Variants in MARCHF1 observed in about 807,000 individuals in gnomAD.
MARCHF1 encodes E3 ubiquitin-protein ligase MARCHF1.
In MARCHF1, 40 loss-of-function variants were observed where a neutral mutation model predicts 54.2. The observed-to-expected ratio is 0.74, with a 90% CI of 0.57 to 0.96. The LOEUF (loss-of-function observed/expected upper bound fraction) is 0.96, where lower values mean the gene tolerates loss of function less well. MARCHF1 is among the 40% of genes least tolerant of loss of function. The pLI, the probability that MARCHF1 is intolerant of heterozygous loss-of-function variation, is 0.00. For synonymous variants in MARCHF1, 236 were observed against 236.3 expected (o/e 1.00, Z 0.01); for missense variants, 586 against 656.5 (o/e 0.89, Z 1.17).
intron 4 of MARCHF1, among the ~76,000 whole-genome samples, chr4:163,751,051 T>C (rs1746504719): frequency 6.6e-6 from 1 of 152,130 alleles, no homozygotes; most frequent in African/African-American, 2.4e-5. Flanking sequence ...AAAGAGCATA[T>C]TTATCTCATA....
chr4:164,243,719 C>T (rs974639532), intron 1 of MARCHF1, among the ~76,000 whole-genome samples: 53 of 152,230 alleles, frequency 3.5e-4, no homozygotes, highest in South Asian at 8.3e-4. Context: ...ACCCATCTCA[C>T]GGGCAGAGAC....
At chr4:163,969,788 T>C (rs1239017929) in intron 3 of MARCHF1, among the ~76,000 whole-genome samples, 1 of 152,204 alleles carries the variant, frequency 6.6e-6, no homozygotes, top group African/African-American at 2.4e-5. Context: ...AAATTTGAAA[T>C]GGTATAAGAA....
At chr4:164,226,492 GA>G (rs1259770045) in intron 1 of MARCHF1, among the ~76,000 whole-genome samples, 1 of 151,654 alleles carries the variant, frequency 6.6e-6, no homozygotes, top group Non-Finnish European at 1.5e-5. Flanking sequence ...CAAAATGCAG[GA>G]AAAATAAACA....
At chr4:164,249,950 C>A (rs538424026) in intron 1 of MARCHF1, among the ~76,000 whole-genome samples, 7 of 152,132 alleles carry the variant, frequency 4.6e-5, no homozygotes, top group African/African-American at 1.4e-4. Context: ...AATTACTGAG[C>A]AACTCCATAT....
At chr4:163,814,187 T>C (rs1748471287) in intron 4 of MARCHF1, among the ~76,000 whole-genome samples, 1 of 152,200 alleles carries the variant, frequency 6.6e-6, no homozygotes, top group Admixed American at 6.5e-5. Flanking sequence ...CACTTGCCCT[T>C]TCGACCCTCA....
At chr4:163,752,930 A>G (rs1301172640) in intron 4 of MARCHF1, among the ~76,000 whole-genome samples, 3 of 152,164 alleles carry the variant, frequency 2.0e-5, no homozygotes, top group African/African-American at 4.8e-5. Flanking sequence ...ACTTTGCAAA[A>G]TAAATTTTCA....
At chr4:163,763,470 C>T (rs1561064045) in intron 4 of MARCHF1, among the ~76,000 whole-genome samples, 2 of 152,002 alleles carry the variant, frequency 1.3e-5, no homozygotes, top group Non-Finnish European at 2.9e-5. Flanking sequence ...AAATCTCATG[C>T]AAAATTGTCT....
chr4:163,857,538 T>C (rs758246665), intron 3 of MARCHF1, among the ~76,000 whole-genome samples: 9 of 152,164 alleles, frequency 5.9e-5, no homozygotes, highest in Non-Finnish European at 8.8e-5. Context: ...TATCTAGTCA[T>C]TGAACCAAGC....
rs559304486 is a variant in MARCHF1, at chr4:164,191,731, G to C, written c.-322-80069C>G. ...GATTGTTGGAATCCAATATAGTCTAGTTTTCTGAGAGTCATACTTCTTACT... is the reference window on the plus strand; with the variant it reads ...GATTGTTGGAATCCAATATAGTCTACTTTTCTGAGAGTCATACTTCTTACT... On this transcript the variant is annotated intron_variant, in intron 1 of 9. Transcript: ENST00000514618. Among the ~76,000 whole-genome samples, 13 of 152,198 alleles carry C rather than the reference G, an allele frequency of 8.5e-5. No homozygotes were observed. In the South Asian group the frequency reaches 2.7e-3, roughly 32 times the overall value.
intron 2 of MARCHF1, among the ~76,000 whole-genome samples, chr4:164,072,160 G>T (rs547177701): frequency 1.3e-5 from 2 of 152,130 alleles, no homozygotes; most frequent in Admixed American, 6.5e-5. Flanking sequence ...AAGGATATAC[G>T]CAGTGAGAGT....
intron 1 of MARCHF1, among the ~76,000 whole-genome samples, chr4:164,177,430 C>T (rs967935543): frequency 6.6e-6 from 1 of 151,970 alleles, no homozygotes; most frequent in Admixed American, 6.6e-5. Context: ...TTACCATGCA[C>T]GGAGAATTGC....
At chr4:164,140,308 G>A (rs1173249853) in intron 1 of MARCHF1, among the ~76,000 whole-genome samples, 1 of 150,142 alleles carries the variant, frequency 6.7e-6, no homozygotes, top group African/African-American at 2.5e-5. Flanking sequence ...CATTTCTTTT[G>A]AATAAACAAA....
chr4:164,041,670 A>C (rs146921725), intron 2 of MARCHF1, among the ~76,000 whole-genome samples: 1 of 152,190 alleles, frequency 6.6e-6, no homozygotes, highest in East Asian at 1.9e-4. Flanking sequence ...TAGCATCAAC[A>C]TCAATGGGAA....
intron 3 of MARCHF1, among the ~76,000 whole-genome samples, chr4:163,921,570 G>T (rs749306750): frequency 6.6e-6 from 1 of 152,110 alleles, no homozygotes; most frequent in Non-Finnish European, 1.5e-5. Context: ...TTTCTAGTAA[G>T]ATAGCAATAG....
At chr4:164,149,680 G>A (rs1729879194) in intron 1 of MARCHF1, among the ~76,000 whole-genome samples, 1 of 152,018 alleles carries the variant, frequency 6.6e-6, no homozygotes, top group Admixed American at 6.6e-5. Flanking sequence ...AAAATTCCTG[G>A]TTTTGGTCAA....
chr4:163,972,846 C>T (rs1418907620), intron 3 of MARCHF1, among the ~76,000 whole-genome samples: 4 of 151,902 alleles, frequency 2.6e-5, no homozygotes, highest in African/African-American at 9.7e-5. Context: ...CGTGAGCCAC[C>T]GCGCCCGGCC....
intron 8 of MARCHF1, among the ~76,000 whole-genome samples, chr4:163,573,241 G>A (rs1356734949): frequency 1.3e-5 from 2 of 151,680 alleles, no homozygotes; most frequent in African/African-American, 4.8e-5. Flanking sequence ...GAATTATTTT[G>A]TCAGCAAAGA....
At chr4:163,862,584 T>C (rs932340431) in intron 3 of MARCHF1, among the ~76,000 whole-genome samples, 1 of 151,506 alleles carries the variant, frequency 6.6e-6, no homozygotes. Context: ...AAGCAACAGG[T>C]ATTCTTTTCC....
At chr4:163,546,365 A>C (rs1353342743) in intron 8 of MARCHF1, among the ~76,000 whole-genome samples, 1 of 152,214 alleles carries the variant, frequency 6.6e-6, no homozygotes, top group Non-Finnish European at 1.5e-5. Flanking sequence ...TTGCAAGTCT[A>C]TAGTTTCCTC....
Sources: allele counts gnomAD v4.1 joint callset (sites outside exome capture counted in the v4.1 genomes callset), GRCh38; gene constraint gnomAD v4.1.1; transcripts MANE v1.5; gene names NCBI Gene and HGNC (gene_info 2026-07-23, HGNC 2026-07-21).